Variants in SCNN1B observed in about 807,000 individuals in gnomAD.
SCNN1B encodes epithelial sodium channel subunit beta.
SCNN1B carries 46 observed loss-of-function variants against 65.3 expected under a neutral mutation model. That is an observed-to-expected ratio of 0.70 (90% CI 0.56 to 0.90). The LOEUF is 0.90. Ranked by LOEUF, SCNN1B falls within the 40% of genes least tolerant of loss-of-function variation. The pLI is 0.00. For missense variants in SCNN1B, 751 were observed against 830.5 expected, an observed-to-expected ratio of 0.90 and a Z score of 1.18; for synonymous variants, 349 against 330.6, an observed-to-expected ratio of 1.06 and a Z score of -0.60.
At chr16:23,298,343 C>A (rs1282074034), upstream of SCNN1B, among the ~76,000 whole-genome samples, 1 of 152,206 alleles carries the variant, frequency 6.6e-6, no homozygotes, top group Non-Finnish European at 1.5e-5. Context: ...ATTGAGGCAG[C>A]AGCAGTGTTA....
intron 2 of SCNN1B, among the ~76,000 whole-genome samples, chr16:23,285,966 A>G (rs959870222): frequency 6.6e-6 from 1 of 152,146 alleles, no homozygotes; most frequent in Non-Finnish European, 1.5e-5. Flanking sequence ...AGAGCGAGAC[A>G]CTGTCTTAAA....
intron 1 of SCNN1B, among the ~76,000 whole-genome samples, chr16:23,310,341 A>G (rs1033654730): frequency 6.6e-6 from 1 of 151,232 alleles, no homozygotes; most frequent in African/African-American, 2.4e-5. Context: ...ATTCCAAGCT[A>G]GTTAAAATAT....
intron 1 of SCNN1B, among the ~76,000 whole-genome samples, chr16:23,343,057 C>A (rs1235448094): frequency 6.6e-6 from 1 of 152,168 alleles, no homozygotes; most frequent in African/African-American, 2.4e-5. Context: ...AATCTTAGCT[C>A]CTACCCCACA....
In SCNN1B at chr16:23,371,836, C is replaced by T; in HGVS notation, c.1105C>T (p.Pro369Ser). The change falls in exon 7 of 13, where the codon CCC (proline) becomes TCC (serine). Residue 369 changes from proline (P) to serine (S), a missense_variant. Coordinates refer to ENST00000343070, the MANE Select transcript of SCNN1B (RefSeq NM_000336.3). ...GTGCACCGTGAATGGTTCTGAGGTC[C>T]CCGTCCAAAACTTCTACAGTGACTA... ...SPCTVNGSEV[P>S]VQNFYSDYNT... The T allele has an allele frequency of 6.2e-7, 1 of 1,614,224 alleles. No homozygotes were observed. Among genetic ancestry groups the T allele is most frequent in the Non-Finnish European group, 8.5e-7 (1 of 1,180,006 alleles).
At chr16:23,314,161 A>C (rs1018008879) in intron 1 of SCNN1B, among the ~76,000 whole-genome samples, 1 of 152,084 alleles carries the variant, frequency 6.6e-6, no homozygotes, top group African/African-American at 2.4e-5. Flanking sequence ...CTGGGACTGC[A>C]GGTGCACACC....
intron 2 of SCNN1B, among the ~76,000 whole-genome samples, chr16:23,286,218 T>G (rs1395853409): frequency 6.6e-6 from 1 of 152,134 alleles, no homozygotes; most frequent in African/African-American, 2.4e-5. Context: ...CTCACAAATG[T>G]CAAAGGAATG....
intron 1 of SCNN1B, among the ~76,000 whole-genome samples, chr16:23,310,840 T>C (rs1441099797): frequency 1.3e-5 from 2 of 152,180 alleles, no homozygotes; most frequent in Admixed American, 1.3e-4. Context: ...AACCCACAAA[T>C]GATTATTTTC....
At chr16:23,329,695 C>T (rs1961770846) in intron 1 of SCNN1B, among the ~76,000 whole-genome samples, 1 of 152,204 alleles carries the variant, frequency 6.6e-6, no homozygotes, top group Non-Finnish European at 1.5e-5. Context: ...TGACCAACTC[C>T]CCAGTAAGGG....
At chr16:23,313,992 C>T (rs766221836) in intron 1 of SCNN1B, among the ~76,000 whole-genome samples, 34 of 152,150 alleles carry the variant, frequency 2.2e-4, no homozygotes, top group Non-Finnish European at 3.8e-4. Flanking sequence ...GGGGTAGGTA[C>T]AGTTTTTTAA....
intron 7 of SCNN1B, 159 bp downstream of exon 7, chr16:23,372,042 C>T: frequency 1.4e-6 from 1 of 693,056 alleles, no homozygotes; most frequent in Non-Finnish European, 2.6e-6. Flanking sequence ...CAGTCACTTT[C>T]CTGGGCTCTC....
rs751279369 is a variant in SCNN1B, at chr16:23,289,746, G to T, written n.178+5942G>T. 8.2e-4 allele frequency among the ~76,000 whole-genome samples: 124 copies of T among 150,454 alleles called. 1 individual carries two copies. The Middle Eastern group carries it at 0.031, about 38-fold the overall frequency. On this transcript the variant is annotated intron_variant and non_coding_transcript_variant, in intron 2 of 3. Coordinates refer to the SCNN1B transcript ENST00000569789. ...GCTGGAGTGCAGTGGCACGATCTCGGCTCACTGCAACCTCTGCCTCTGGGA... is the reference window on the plus strand; with the variant it reads ...GCTGGAGTGCAGTGGCACGATCTCGTCTCACTGCAACCTCTGCCTCTGGGA...
intron 1 of SCNN1B, among the ~76,000 whole-genome samples, chr16:23,319,006 C>A (rs1398859041): frequency 1.3e-5 from 2 of 151,540 alleles, no homozygotes; most frequent in East Asian, 1.9e-4. Context: ...AGGAGTCCTG[C>A]AATCTGGTTT....
intron 3 of SCNN1B, among the ~76,000 whole-genome samples, chr16:23,353,874 G>A (rs1218918593): frequency 6.6e-6 from 1 of 152,206 alleles, no homozygotes; most frequent in Non-Finnish European, 1.5e-5. Flanking sequence ...CGTGTCTCAG[G>A]ATCTCCTGGG....
chr16:23,353,749 G>C (rs1249696348), intron 3 of SCNN1B, among the ~76,000 whole-genome samples: 3 of 152,238 alleles, frequency 2.0e-5, no homozygotes, highest in Non-Finnish European at 4.4e-5. Context: ...ATATTGGGCA[G>C]GTGAAAAGCC....
intron 2 of SCNN1B, among the ~76,000 whole-genome samples, chr16:23,291,156 G>T (rs559416447): frequency 1.1e-3 from 171 of 151,470 alleles, no homozygotes; most frequent in Non-Finnish European, 2.0e-3. Context: ...CCACCTCCCA[G>T]GTTCAAGCAA....
chr16:23,324,188 CT>C (rs780078926), intron 1 of SCNN1B, among the ~76,000 whole-genome samples: 5,605 of 137,366 alleles, frequency 0.041, 191 homozygotes, highest in African/African-American at 0.1. Context: ...CAAAAGCTCA[CT>C]TTTTTTTTTT....
Position 23,323,586 on chromosome 16 carries a change from A to C in SCNN1B, c.-9+21149A>C, listed in dbSNP as rs72654305. 9.1e-4 allele frequency: 640 copies of C among 702,996 alleles called. 5 individuals carry two copies. The African/African-American group carries it at 0.01, about 11-fold the overall frequency. The allele number at this position is 702,996 out of a possible 1,614,324, so 43.5% of individuals were successfully genotyped here. A position where few individuals can be genotyped will look rare whatever the true frequency, so the allele number is the denominator to read the frequency against. On this transcript the variant is annotated intron_variant, in intron 1 of 12. Coordinates refer to ENST00000343070, the MANE Select transcript of SCNN1B (RefSeq NM_000336.3). ...AACCAGGGCACAGAGAGGGTGAGTA[A>C]ATTCCACAAGGTCACACAGTGAGTA... is the stretch of plus-strand genomic sequence containing the variant.
upstream of SCNN1B, among the ~76,000 whole-genome samples, chr16:23,301,647 C>T (rs1471029419): frequency 6.6e-6 from 1 of 152,084 alleles, no homozygotes; most frequent in South Asian, 2.1e-4. Context: ...AGGAAATGCG[C>T]AAGGCCCGCC....
chr16:23,367,400 G>A (rs961596237), intron 4 of SCNN1B, among the ~76,000 whole-genome samples: 47 of 152,132 alleles, frequency 3.1e-4, no homozygotes, highest in African/African-American at 1.1e-3. Flanking sequence ...GGGCTCAAGC[G>A]TTCCTCCCAC....
Sources: allele counts gnomAD v4.1 joint callset (sites outside exome capture counted in the v4.1 genomes callset), GRCh38; gene constraint gnomAD v4.1.1; transcripts MANE v1.5; gene names NCBI Gene and HGNC (gene_info 2026-07-23, HGNC 2026-07-21).